The following DLGAP4 variants were observed in gnomAD, a reference collection of about 807,000 sequenced individuals.
DLGAP4 encodes the protein DLG associated protein 4, also known as disks large-associated protein 4.
DLGAP4 carries 18 observed loss-of-function variants against 86.9 expected under a neutral mutation model. The observed-to-expected ratio is 0.21, with a 90% CI of 0.14 to 0.31. The LOEUF is 0.31. Among genes scored for constraint, DLGAP4 ranks in the 10% least tolerant of loss-of-function variants. The pLI, the probability that DLGAP4 is intolerant of heterozygous loss-of-function variation, is 1.00. For missense variants in DLGAP4, 1,085 were observed against 1,362.6 expected (o/e 0.80, Z 3.21); for synonymous variants, 548 against 574.3 (o/e 0.95, Z 0.65).
intron 10 of DLGAP4, among the ~76,000 whole-genome samples, chr20:36,516,431 C>T (rs1008248594): frequency 4.6e-5 from 7 of 152,144 alleles, no homozygotes; most frequent in African/African-American, 1.4e-4. Context: ...CTTTGGGAGC[C>T]GAGGTGGGTG....
intron 1 of DLGAP4, among the ~76,000 whole-genome samples, chr20:36,324,826 T>A (rs917000344): frequency 6.6e-6 from 1 of 152,244 alleles, no homozygotes; most frequent in Non-Finnish European, 1.5e-5. Flanking sequence ...AATATGTGTC[T>A]GATCTTTCTT....
At chr20:36,507,725 A>C (rs1600677609) in intron 10 of DLGAP4, 1 of 152,252 alleles carries the variant, frequency 6.6e-6, no homozygotes, top group Non-Finnish European at 1.5e-5. Flanking sequence ...CAACCATTTT[A>C]TTATGGTCAC....
chr20:36,450,828 C>T (rs953770159), intron 7 of DLGAP4, among the ~76,000 whole-genome samples: 1 of 152,198 alleles, frequency 6.6e-6, no homozygotes, highest in Non-Finnish European at 1.5e-5. Context: ...GATGCAGAGA[C>T]TTATTGATCC....
intron 2 of DLGAP4, among the ~76,000 whole-genome samples, chr20:36,376,407 G>A (rs937864437): frequency 6.6e-6 from 1 of 152,118 alleles, no homozygotes; most frequent in African/African-American, 2.4e-5. Context: ...GGAGGTGGAG[G>A]TTGCAGTGAG....
chr20:36,446,488 G>A (rs114010640), intron 6 of DLGAP4, among the ~76,000 whole-genome samples: 1 of 152,322 alleles, frequency 6.6e-6, no homozygotes, highest in Non-Finnish European at 1.5e-5. Flanking sequence ...TCATTATAGA[G>A]ATGGGAAAAT....
chr20:36,479,677 G>A lies in DLGAP4; in HGVS notation c.1649-17028G>A, dbSNP rs73279404. Among the ~76,000 whole-genome samples, 1,492 of 152,204 alleles carry A rather than the reference G, an allele frequency of 9.8e-3. 26 individuals are homozygous for A. The highest frequency in any genetic ancestry group is 0.034 in the African/African-American group (1,423 of 41,530). On this transcript the variant is annotated intron_variant, in intron 7 of 12. Coordinates refer to ENST00000339266, the MANE Select transcript of DLGAP4 (RefSeq NM_001365621.2). ...CCTGGAAGCTGAGCATGGTGTGTTGGCATGAAGGGGGTGATGGAGAGTTAG... is the reference window on the plus strand; with the variant it reads ...CCTGGAAGCTGAGCATGGTGTGTTGACATGAAGGGGGTGATGGAGAGTTAG...
At chr20:36,421,373 G>A (rs988375964) in intron 2 of DLGAP4, among the ~76,000 whole-genome samples, 3 of 151,502 alleles carry the variant, frequency 2.0e-5, no homozygotes, top group East Asian at 3.9e-4. Context: ...CAGGAGAATC[G>A]CTTGAACCTG....
chr20:36,312,989 T>C (rs1334777634), intron 1 of DLGAP4, among the ~76,000 whole-genome samples: 1 of 151,702 alleles, frequency 6.6e-6, no homozygotes, highest in Non-Finnish European at 1.5e-5. Flanking sequence ...GGAGTAGAGG[T>C]GGGAGTTTGG....
chr20:36,309,968 C>T (rs1430457040), intron 1 of DLGAP4, among the ~76,000 whole-genome samples: 14 of 152,222 alleles, frequency 9.2e-5, no homozygotes, highest in South Asian at 6.2e-4. Context: ...AAAGGACATG[C>T]GCTGAGCAGG....
chr20:36,338,738 A>G (rs1306269131), intron 1 of DLGAP4, among the ~76,000 whole-genome samples: 1 of 152,272 alleles, frequency 6.6e-6, no homozygotes, highest in East Asian at 1.9e-4. Context: ...AAATGAATAA[A>G]TGAATGCAAC....
chr20:36,345,400 G>C (rs1294399881), intron 1 of DLGAP4, among the ~76,000 whole-genome samples: 1 of 152,206 alleles, frequency 6.6e-6, no homozygotes. Context: ...CCAGGGTCTG[G>C]TACACACTGT....
Position 36,453,113 on chromosome 20 carries a change from G to A in DLGAP4, c.1648+6176G>A, listed in dbSNP as rs546268869. On this transcript the variant is annotated intron_variant, in intron 7 of 12. Transcript: ENST00000339266. ...CTCCCAAAGTGCTGGGATTACAGGC[G>A]TGAGTCACCACGCCTGGCCCCTTTG... Among the ~76,000 whole-genome samples the A allele has an allele frequency of 2.6e-5, 4 of 152,254 alleles. No individual in the cohort carries two copies. In the South Asian group the frequency reaches 8.3e-4, roughly 32 times the overall value.
At chr20:36,398,831 TG>T (rs1181320195) in intron 2 of DLGAP4, among the ~76,000 whole-genome samples, 1 of 152,194 alleles carries the variant, frequency 6.6e-6, no homozygotes, top group Non-Finnish European at 1.5e-5. Flanking sequence ...CTGTGGTTCC[TG>T]GGTATGATGG....
intron 2 of DLGAP4, among the ~76,000 whole-genome samples, chr20:36,373,274 A>G (rs546819880): frequency 2.6e-4 from 40 of 152,268 alleles, no homozygotes; most frequent in Middle Eastern, 3.4e-3. Context: ...TGGATCCAGG[A>G]CCTCAGGGCC....
chr20:36,485,218 CA>C (rs777390149), intron 7 of DLGAP4, among the ~76,000 whole-genome samples: 1 of 151,948 alleles, frequency 6.6e-6, no homozygotes, highest in African/African-American at 2.4e-5. Context: ...CCCATCTCTA[CA>C]AAAAATTAAA....
chr20:36,336,839 G>T (rs1315763961), intron 1 of DLGAP4, among the ~76,000 whole-genome samples: 1 of 152,194 alleles, frequency 6.6e-6, no homozygotes, highest in Non-Finnish European at 1.5e-5. Flanking sequence ...CGCCTGCTGT[G>T]GAGACAGCCA....
chr20:36,415,397 C>T (rs1040341906), intron 2 of DLGAP4, among the ~76,000 whole-genome samples: 1 of 152,236 alleles, frequency 6.6e-6, no homozygotes, highest in African/African-American at 2.4e-5. Context: ...GGCCAAATCT[C>T]AGTCCCTCTC....
At chr20:36,444,221 A>G (rs889379327) in intron 6 of DLGAP4, among the ~76,000 whole-genome samples, 1 of 152,214 alleles carries the variant, frequency 6.6e-6, no homozygotes, top group African/African-American at 2.4e-5. Context: ...AACTTTCTGT[A>G]ATGATGGAAA....
chr20:36,488,850 G>A (rs1210086242), intron 7 of DLGAP4, among the ~76,000 whole-genome samples: 1 of 152,222 alleles, frequency 6.6e-6, no homozygotes, highest in Non-Finnish European at 1.5e-5. Flanking sequence ...GGGATTACAG[G>A]CGTGAGCCAC....
Sources: allele counts gnomAD v4.1 joint callset (sites outside exome capture counted in the v4.1 genomes callset), GRCh38; gene constraint gnomAD v4.1.1; transcripts MANE v1.5; gene names NCBI Gene and HGNC (gene_info 2026-07-23, HGNC 2026-07-21).